The following IL17RD variants were observed in gnomAD, a reference collection of about 807,000 sequenced individuals.
IL17RD encodes the protein interleukin-17 receptor D.
In IL17RD, 52 loss-of-function variants were observed where a neutral mutation model predicts 80.5. The observed-to-expected ratio is 0.65, with a 90% CI of 0.52 to 0.81. The LOEUF (loss-of-function observed/expected upper bound fraction) is 0.81, where lower values mean the gene tolerates loss of function less well. IL17RD is among the 40% of genes least tolerant of loss of function. The probability of loss-of-function intolerance (pLI) is 0.00; values close to 1 mark genes in which losing one functional copy is unlikely to be tolerated. For synonymous variants in IL17RD, 416 were observed against 391.8 expected (o/e 1.06, Z -0.73); for missense variants, 1,024 against 955.1 (o/e 1.07, Z -0.95).
chr3:57,133,648 CCAGGAATTAAGGTCT>C (rs1361606245), intron 1 of IL17RD, among the ~76,000 whole-genome samples: 1 of 152,058 alleles, frequency 6.6e-6, no homozygotes, highest in Non-Finnish European at 1.5e-5. Flanking sequence ...TGGGGTGTTC[CCAGGAATTAAGGTCT>C]CCCTGCACTC....
At position 57,096,291 on chromosome 3, in the gene IL17RD, A is replaced by G. The variant is rs765722648; in HGVS notation, c.*102T>C. 9 of 796,778 alleles carry G rather than the reference A, an allele frequency of 1.1e-5. No homozygotes were observed. Among genetic ancestry groups the G allele is most frequent in the Non-Finnish European group, 2.0e-5 (9 of 443,896 alleles). The allele number at this position is 796,778 out of a possible 1,614,324, so 49.4% of individuals were successfully genotyped here. A position where few individuals can be genotyped will look rare whatever the true frequency, so the allele number is the denominator to read the frequency against. On this transcript the variant is annotated 3_prime_UTR_variant, in exon 13 of 13. Coordinates refer to ENST00000296318, the MANE Select transcript of IL17RD (RefSeq NM_017563.5). The stretch of plus-strand genomic sequence containing the variant: ...AGCATTTCACTCCAAATATCCTTGT[A>G]TGAGACCTCAGCTCCAAGTGGGCCA...
At chr3:57,101,495 A>G (rs1706828805) in intron 10 of IL17RD, 132 bp from the exon 11 acceptor site, 1 of 571,202 alleles carries the variant, frequency 1.8e-6, no homozygotes, top group South Asian at 2.6e-5. Flanking sequence ...CAACTCCATC[A>G]GCCCCCTCTG....
intron 1 of IL17RD, among the ~76,000 whole-genome samples, chr3:57,164,614 G>C (rs1287670833): frequency 6.6e-6 from 1 of 152,240 alleles, no homozygotes; most frequent in Admixed American, 6.5e-5. Flanking sequence ...AGGAGGGGTA[G>C]GAGTGGGGTG....
upstream of IL17RD, chr3:57,169,123 A>G: frequency 4.6e-6 from 2 of 430,258 alleles, no homozygotes; most frequent in Middle Eastern, 3.4e-4. Flanking sequence ...CAGGCCCCAC[A>G]TGCCTTTCAT....
intron 7 of IL17RD, among the ~76,000 whole-genome samples, chr3:57,105,390 A>G (rs1706930611): frequency 6.6e-6 from 1 of 151,274 alleles, no homozygotes; most frequent in Admixed American, 6.6e-5. Context: ...TACAAAAATT[A>G]GTTGGGTGTG....
At position 57,094,312 on chromosome 3, in the gene IL17RD, T is replaced by G. The variant is rs1343438660; in HGVS notation, c.*2081A>C. On this transcript the variant is annotated 3_prime_UTR_variant, in exon 13 of 13. Transcript: ENST00000296318. ...TTTCATTACTCGGTATATTAAGAGT[T>G]TGATTTTATTGATCAGAAACATTAG... 4 of 152,246 alleles carry G rather than the reference T, an allele frequency of 2.6e-5. No individual in the cohort carries two copies. Among genetic ancestry groups the G allele is most frequent in the African/African-American group, 9.6e-5 (4 of 41,462 alleles). The allele number at this position is 152,246 out of a possible 1,614,324, so 9.4% of individuals were successfully genotyped here. A position where few individuals can be genotyped will look rare whatever the true frequency, so the allele number is the denominator to read the frequency against.
chr3:57,110,363 A>G, intron 3 of IL17RD, 52 bp from the exon 4 acceptor site: 1 of 1,537,524 alleles, frequency 6.5e-7, no homozygotes, highest in African/African-American at 1.4e-5. Context: ...ACTTCTGAAC[A>G]CACTCTTCTT....
chr3:57,136,139 C>T (rs1255575682), intron 1 of IL17RD, among the ~76,000 whole-genome samples: 4 of 152,160 alleles, frequency 2.6e-5, no homozygotes, highest in African/African-American at 9.7e-5. Context: ...TTCCTCTCTC[C>T]AGCACAACAA....
chr3:57,152,378 A>G (rs1200965676), intron 1 of IL17RD, among the ~76,000 whole-genome samples: 1 of 152,192 alleles, frequency 6.6e-6, no homozygotes, highest in African/African-American at 2.4e-5. Context: ...ATGAAAAGCA[A>G]AGTTGAATCT....
At position 57,127,251 on chromosome 3, in the gene IL17RD, TAA is replaced by T. The variant is rs1253109325; in HGVS notation, c.127-6940_127-6939del. ...ATATAAAAATATATAAATATATATATAAATATATATAAATATATATAAAAATA... is the reference window on the plus strand; with the variant it reads ...ATATAAAAATATATAAATATATATATATATATATAAATATATATAAAAATA... On this transcript the variant is annotated intron_variant, in intron 1 of 12. Transcript: ENST00000296318. Among the ~76,000 whole-genome samples the T allele has an allele frequency of 1.9e-3, 173 of 92,062 alleles. 9 individuals carry two copies. Among genetic ancestry groups the T allele is most frequent in the African/African-American group, 8.0e-3 (149 of 18,664 alleles). 60.4% of individuals were successfully genotyped at this position (92,062 alleles called of 152,430 possible). A position where few individuals can be genotyped will look rare whatever the true frequency, so the allele number is the denominator to read the frequency against.
intron 3 of IL17RD, among the ~76,000 whole-genome samples, chr3:57,112,370 G>C (rs953005414): frequency 7.2e-5 from 11 of 152,250 alleles, no homozygotes; most frequent in Admixed American, 1.3e-4. Context: ...CCCAGGAAGT[G>C]TCTGGCTCTC....
chr3:57,127,951 C>T (rs146908451), intron 1 of IL17RD, among the ~76,000 whole-genome samples: 62 of 152,252 alleles, frequency 4.1e-4, no homozygotes, highest in African/African-American at 1.5e-3. Context: ...AACAAAAAGT[C>T]GGCAAAGGCA....
chr3:57,156,129 G>C (rs750341387), intron 1 of IL17RD, among the ~76,000 whole-genome samples: 2 of 152,154 alleles, frequency 1.3e-5, no homozygotes, highest in Non-Finnish European at 2.9e-5. Flanking sequence ...ACACTGCAAC[G>C]GGGAAGAAGG....
intron 11 of IL17RD, among the ~76,000 whole-genome samples, chr3:57,099,351 G>A (rs1277591914): frequency 6.6e-6 from 1 of 152,220 alleles, no homozygotes; most frequent in East Asian, 1.9e-4. Context: ...ACAAAGGAGA[G>A]AAAAATCAGA....
At chr3:57,143,106 T>C (rs1349132162) in intron 1 of IL17RD, among the ~76,000 whole-genome samples, 1 of 152,176 alleles carries the variant, frequency 6.6e-6, no homozygotes. Context: ...AACCAAAGTT[T>C]ATGTGAGCAG....
chr3:57,170,141 G>A (rs1349231755), upstream of IL17RD: 1 of 152,470 alleles, frequency 6.6e-6, no homozygotes, highest in Non-Finnish European at 1.5e-5. Context: ...GAGACCCAGG[G>A]CGGCGGACAA....
At chr3:57,159,448 G>A (rs776498927) in intron 1 of IL17RD, among the ~76,000 whole-genome samples, 12 of 152,196 alleles carry the variant, frequency 7.9e-5, no homozygotes, top group Non-Finnish European at 1.0e-4. Context: ...ACTTCCCACC[G>A]GGAAGAGCTT....
At chr3:57,149,837 C>A (rs1708018178) in intron 1 of IL17RD, among the ~76,000 whole-genome samples, 2 of 152,342 alleles carry the variant, frequency 1.3e-5, no homozygotes, top group African/African-American at 2.4e-5. Flanking sequence ...TGTCACCAGG[C>A]ACCACAGGCC....
intron 1 of IL17RD, among the ~76,000 whole-genome samples, chr3:57,122,000 A>G (rs970363079): frequency 6.6e-6 from 1 of 152,224 alleles, no homozygotes; most frequent in Admixed American, 6.5e-5. Flanking sequence ...CATTATTTCA[A>G]AGAAGATTAA....
Sources: allele counts gnomAD v4.1 joint callset (sites outside exome capture counted in the v4.1 genomes callset), GRCh38; gene constraint gnomAD v4.1.1; transcripts MANE v1.5; gene names NCBI Gene and HGNC (gene_info 2026-07-23, HGNC 2026-07-21).